The following PRUNE2 variants were observed in gnomAD, a reference collection of about 807,000 sequenced individuals.
PRUNE2 encodes protein prune homolog 2.
A neutral mutation model predicts 252.0 loss-of-function variants in PRUNE2; 164 were observed. That is an observed-to-expected ratio of 0.65 (90% CI 0.57 to 0.74). PRUNE2 has a LOEUF of 0.74. Ranked by LOEUF, PRUNE2 falls within the 30% of genes least tolerant of loss-of-function variation. The pLI is 0.00. For missense variants in PRUNE2, 3,495 were observed against 3,711.0 expected, an observed-to-expected ratio of 0.94 and a Z score of 1.51; for synonymous variants, 1,292 against 1,350.2, an observed-to-expected ratio of 0.96 and a Z score of 0.94.
intron 4 of PRUNE2, among the ~76,000 whole-genome samples, chr9:76,836,337 C>G (rs547124883): frequency 3.4e-4 from 31 of 91,272 alleles, no homozygotes; most frequent in African/African-American, 1.2e-3. Flanking sequence ...ATGGAACATT[C>G]ATGCCTTGGA....
chr9:76,872,598 A>AAAAC (rs1491181378), intron 1 of PRUNE2, among the ~76,000 whole-genome samples: 1 of 109,182 alleles, frequency 9.2e-6, no homozygotes, highest in Non-Finnish European at 2.0e-5. Context: ...ATGATTATGG[A>AAAAC]AAACACACAC....
chr9:76,792,975 G>C (rs901219832), intron 6 of PRUNE2, among the ~76,000 whole-genome samples: 3 of 152,172 alleles, frequency 2.0e-5, no homozygotes, highest in African/African-American at 7.2e-5. Context: ...GAAAGGGGGG[G>C]CTTACTAGTC....
chr9:76,669,233 T>C (rs2040825178), intron 9 of PRUNE2, among the ~76,000 whole-genome samples: 1 of 152,020 alleles, frequency 6.6e-6, no homozygotes, highest in African/African-American at 2.4e-5. Flanking sequence ...ACCTTGTCCC[T>C]CCACACAGTG....
At chr9:76,779,232 CTTTT>C (rs5898506) in intron 6 of PRUNE2, among the ~76,000 whole-genome samples, 5 of 144,850 alleles carry the variant, frequency 3.5e-5, no homozygotes, top group African/African-American at 1.3e-4. Context: ...AAAACTTAGA[CTTTT>C]TTTTTTTTTT....
chr9:76,734,568 T>C (rs146664270), intron 6 of PRUNE2, among the ~76,000 whole-genome samples: 1 of 152,356 alleles, frequency 6.6e-6, no homozygotes, highest in African/African-American at 2.4e-5. Context: ...AGATAGTTCA[T>C]ATAAAATGCT....
At chr9:76,777,822 T>C (rs1443812184) in intron 6 of PRUNE2, among the ~76,000 whole-genome samples, 2 of 152,206 alleles carry the variant, frequency 1.3e-5, no homozygotes, top group African/African-American at 2.4e-5. Flanking sequence ...ACATGACATT[T>C]GAGCAGAGAA....
chr9:76,617,232 A>C (rs1228703292), intron 18 of PRUNE2, among the ~76,000 whole-genome samples: 1 of 152,220 alleles, frequency 6.6e-6, no homozygotes, highest in Non-Finnish European at 1.5e-5. Flanking sequence ...TGTAGAAAGA[A>C]GAAAATGGGC....
chr9:76,634,983 G>A (rs1839370276), intron 15 of PRUNE2, among the ~76,000 whole-genome samples: 3 of 151,930 alleles, frequency 2.0e-5, no homozygotes, highest in Admixed American at 2.0e-4. Flanking sequence ...ATTTTTGTTT[G>A]TTTTTTGGAG....
At chr9:76,654,300 C>T (rs1394947688) in intron 10 of PRUNE2, among the ~76,000 whole-genome samples, 3 of 152,182 alleles carry the variant, frequency 2.0e-5, no homozygotes, top group Admixed American at 2.0e-4. Context: ...TGGCCTTGTC[C>T]TGGAGAAATT....
intron 1 of PRUNE2, chr9:76,862,747 A>G (rs1273497848): frequency 6.6e-6 from 1 of 152,214 alleles, no homozygotes; most frequent in Non-Finnish European, 1.5e-5. Context: ...TAATTACTAT[A>G]TTAAATGTAT....
rs2046514561 is a variant in PRUNE2, at chr9:76,709,026, C to A, written c.3248G>T (p.Ser1083Ile). The A allele has an allele frequency of 6.2e-7, 1 of 1,613,844 alleles. No individual in the cohort carries two copies. The highest frequency in any genetic ancestry group is 1.3e-5 in the African/African-American group (1 of 74,914). Residue 1083 changes from serine (S) to isoleucine (I), a missense_variant, in exon 8 of 19, where the codon AGC (serine) becomes ATC (isoleucine). Transcript: ENST00000376718. ...ESSQSSYDDP[S>I]MMQLYNETNR... is the part of the protein sequence containing the mutation. Reference sequence around the variant, plus strand: ...TGTTTCATTGTACAGTTGCATCATGCTGGGGTCGTCGTAACTGGACTGGCT... The same window carrying A: ...TGTTTCATTGTACAGTTGCATCATGATGGGGTCGTCGTAACTGGACTGGCT...
intron 3 of PRUNE2, among the ~76,000 whole-genome samples, chr9:76,848,422 A>G (rs1297869098): frequency 1.3e-5 from 2 of 152,278 alleles, no homozygotes; most frequent in Non-Finnish European, 2.9e-5. Flanking sequence ...TGTTTCAAAC[A>G]GCATGAAGAT....
At chr9:76,644,081 T>C (rs1281740978) in intron 12 of PRUNE2, among the ~76,000 whole-genome samples, 1 of 152,116 alleles carries the variant, frequency 6.6e-6, no homozygotes, top group Non-Finnish European at 1.5e-5. Context: ...CATCTGACTT[T>C]TTGTGACTCC....
chr9:76,754,964 C>CAA (rs11292120), intron 6 of PRUNE2, among the ~76,000 whole-genome samples: 2,385 of 66,084 alleles, frequency 0.036, 95 homozygotes, highest in African/African-American at 0.067. Flanking sequence ...GACTCGGTCT[C>CAA]AAAAAAAAAA....
chr9:76,727,449 A>AT (rs1168488521), intron 6 of PRUNE2, among the ~76,000 whole-genome samples: 1 of 152,214 alleles, frequency 6.6e-6, no homozygotes, highest in Non-Finnish European at 1.5e-5. Flanking sequence ...GCCAGTAAAA[A>AT]TAACATCTTT....
At chr9:76,649,927 A>C (rs1188590119) in intron 11 of PRUNE2, among the ~76,000 whole-genome samples, 3 of 117,230 alleles carry the variant, frequency 2.6e-5, no homozygotes, top group Non-Finnish European at 5.2e-5. Flanking sequence ...CATTTGGTAG[A>C]GTAACGCTTA....
Position 76,709,275 on chromosome 9 carries a change from T to A in PRUNE2, c.2999A>T (p.Asp1000Val). ...FAKEEGFESK[D>V]GNSTAEETDI... The stretch of plus-strand genomic sequence containing the variant: ...AGTCTCCTCTGCCGTGGAGTTACCA[T>A]CTTTTGACTCAAAACCTTCCTCTTT... Residue 1000 changes from aspartate to valine, a missense_variant, in exon 8 of 19, where the codon GAT (aspartate) becomes GTT (valine). Transcript: ENST00000376718. 6.2e-7 allele frequency: 1 copy of A among 1,613,746 alleles called. No homozygotes were observed. The highest frequency in any genetic ancestry group is 8.5e-7 in the Non-Finnish European group (1 of 1,179,816).
chr9:76,776,781 C>T (rs2053816216), intron 6 of PRUNE2, among the ~76,000 whole-genome samples: 1 of 150,786 alleles, frequency 6.6e-6, no homozygotes. Context: ...TCCCAAAGTG[C>T]TGGGATTAAA....
At position 76,709,302 on chromosome 9, in the gene PRUNE2, G is replaced by C. The variant is rs1446051670; in HGVS notation, c.2972C>G (p.Ala991Gly). 1 of 1,613,826 alleles carries C rather than the reference G, an allele frequency of 6.2e-7. No individual in the cohort carries two copies. The highest frequency in any genetic ancestry group is 1.1e-5 in the South Asian group (1 of 91,084). Reference protein sequence around the residue: ...DEKETEHKPFAKEEGFESKDG... With the variant: ...DEKETEHKPFGKEEGFESKDG... Reference sequence around the variant, plus strand: ...TTTTGACTCAAAACCTTCCTCTTTAGCAAATGGCTTGTGTTCAGTTTCCTT... The same window carrying C: ...TTTTGACTCAAAACCTTCCTCTTTACCAAATGGCTTGTGTTCAGTTTCCTT... The change falls in exon 8 of 19, where the codon GCT (alanine) becomes GGT (glycine). Residue 991 changes from alanine to glycine, a missense_variant. Physicochemically the swap from Ala to Gly is moderately conservative, Grantham distance 60. Coordinates refer to ENST00000376718, the MANE Select transcript of PRUNE2 (RefSeq NM_015225.3).
Sources: gnomAD v4.1 joint callset for allele counts (sites outside exome capture counted in the v4.1 genomes callset) on GRCh38, gnomAD v4.1.1 for gene constraint, MANE v1.5 for transcripts, NCBI Gene and HGNC (gene_info 2026-07-23, HGNC 2026-07-21) for gene names.